ERICH5: variants seen among roughly 807,000 people sequenced by gnomAD.
ERICH5 encodes glutamate-rich protein 5.
A neutral mutation model predicts 28.0 loss-of-function variants in ERICH5; 24 were observed. The ratio of observed to expected loss-of-function variants is 0.86; its 90% CI spans 0.62 to 1.21. The LOEUF is 1.21. ERICH5 is among the 50% of genes most tolerant of loss of function. The pLI is 0.00. For missense variants in ERICH5, 421 were observed against 441.2 expected (o/e 0.95, Z 0.41); for synonymous variants, 163 against 157.6 (o/e 1.03, Z -0.25).
rs765389360 is a variant in ERICH5 at position 98,089,952 on chromosome 8, C to T, written c.935C>T (p.Ala312Val). 13 of 1,614,046 alleles carry T rather than the reference C, an allele frequency of 8.1e-6. No homozygotes were observed. In the East Asian group the frequency reaches 1.6e-4, roughly 19 times the overall value. The change falls in exon 2 of 3, where the codon GCA becomes GTA. Residue 312 changes from alanine (A) to valine (V), a missense_variant. Coordinates refer to ENST00000318528, the MANE Select transcript of ERICH5 (RefSeq NM_173549.3). Reference protein sequence around the residue: ...EGIVGSMEHPARNVEAGAYVE... With the variant: ...EGIVGSMEHPVRNVEAGAYVE... ...ATAGTTGGAAGCATGGAGCATCCAG[C>T]ACGAAATGTAGAGGCAGGAGCATAT...
At chr8:98,078,143 A>G (rs1815093147) in intron 1 of ERICH5, among the ~76,000 whole-genome samples, 1 of 152,216 alleles carries the variant, frequency 6.6e-6, no homozygotes, top group African/African-American at 2.4e-5. Context: ...CACACTTGGG[A>G]ATTAGCATTT....
chr8:98,091,675 T>G (rs187199880), intron 2 of ERICH5, among the ~76,000 whole-genome samples: 2 of 152,230 alleles, frequency 1.3e-5, no homozygotes, highest in Non-Finnish European at 2.9e-5. Context: ...CAGGGTTTCC[T>G]GCAAGTGTGT....
chr8:98,075,669 C>T (rs187496294), intron 1 of ERICH5, among the ~76,000 whole-genome samples: 5 of 152,146 alleles, frequency 3.3e-5, no homozygotes, highest in African/African-American at 1.2e-4. Context: ...GCACAGAGCC[C>T]CCACGCTTGA....
At chr8:98,081,923 C>T (rs948185977) in intron 1 of ERICH5, among the ~76,000 whole-genome samples, 5 of 147,814 alleles carry the variant, frequency 3.4e-5, no homozygotes, top group Non-Finnish European at 6.0e-5. Context: ...AATGAAACTT[C>T]GTCTAAAAAA....
intron 1 of ERICH5, among the ~76,000 whole-genome samples, chr8:98,080,193 G>A (rs1815151643): frequency 6.6e-6 from 1 of 152,152 alleles, no homozygotes. Context: ...ATACCATGCT[G>A]GGCAAATTAC....
At chr8:98,080,522 T>C (rs1402426085) in intron 1 of ERICH5, among the ~76,000 whole-genome samples, 4 of 152,244 alleles carry the variant, frequency 2.6e-5, no homozygotes, top group African/African-American at 9.6e-5. Flanking sequence ...TATTGTGTTC[T>C]CTGAGAGATG....
At chr8:98,068,900 C>G (rs983606113) in intron 1 of ERICH5, among the ~76,000 whole-genome samples, 6 of 152,298 alleles carry the variant, frequency 3.9e-5, no homozygotes, top group South Asian at 2.1e-4. Flanking sequence ...TGCTTGCTGT[C>G]CATGCGGCCT....
chr8:98,093,388 G>A lies in ERICH5; in HGVS notation c.*55G>A. ...TCATAGAGGAGACAAAAATGGTAGTGAAGCTTGTGGTTATGTATCTTATCT... is the reference window on the plus strand; with the variant it reads ...TCATAGAGGAGACAAAAATGGTAGTAAAGCTTGTGGTTATGTATCTTATCT... On this transcript the variant is annotated 3_prime_UTR_variant, in exon 3 of 3. Transcript: ENST00000318528. 2 of 1,198,616 alleles carry A rather than the reference G, an allele frequency of 1.7e-6. No individual in the cohort carries two copies. The highest frequency in any genetic ancestry group is 2.4e-6 in the Non-Finnish European group (2 of 820,070). The allele number at this position is 1,198,616 out of a possible 1,614,324, so 74.2% of individuals were successfully genotyped here. A position where few individuals can be genotyped will look rare whatever the true frequency, so the allele number is the denominator to read the frequency against.
At chr8:98,093,121 C>CTGAA in intron 2 of ERICH5, 100 bp from the exon 3 acceptor site, 1 of 755,300 alleles carries the variant, frequency 1.3e-6, no homozygotes, top group African/African-American at 1.8e-5. Flanking sequence ...CTGCTTAGAC[C>CTGAA]TGAAGATCAA....
chr8:98,077,874 C>T (rs1815087915), intron 1 of ERICH5, among the ~76,000 whole-genome samples: 1 of 152,136 alleles, frequency 6.6e-6, no homozygotes, highest in African/African-American at 2.4e-5. Flanking sequence ...CTAGCCTATT[C>T]TTGTTTCTCT....
intron 1 of ERICH5, among the ~76,000 whole-genome samples, chr8:98,079,330 C>A (rs986774873): frequency 6.6e-6 from 1 of 151,674 alleles, no homozygotes; most frequent in South Asian, 2.1e-4. Flanking sequence ...GCCACCATGC[C>A]CAGCTAATCC....
At chr8:98,085,003 T>C (rs1382429019) in intron 1 of ERICH5, among the ~76,000 whole-genome samples, 1 of 152,086 alleles carries the variant, frequency 6.6e-6, no homozygotes, top group East Asian at 1.9e-4. Context: ...AATGGAATTA[T>C]ATGCTATGTA....
chr8:98,070,660 C>CAAAAAAAAAAAAAA (rs769042472), intron 1 of ERICH5, among the ~76,000 whole-genome samples: 17 of 38,742 alleles, frequency 4.4e-4, no homozygotes, highest in South Asian at 9.7e-4. Context: ...AACTGCATCT[C>CAAAAAAAAAAAAAA]AAAAAAAAAA....
chr8:98,076,619 C>T (rs557193625), intron 1 of ERICH5, among the ~76,000 whole-genome samples: 12 of 152,216 alleles, frequency 7.9e-5, no homozygotes, highest in East Asian at 3.9e-4. Flanking sequence ...TAGGCAGCAA[C>T]GCCTGTGGAG....
At chr8:98,085,844 A>G (rs758896133) in intron 1 of ERICH5, among the ~76,000 whole-genome samples, 13 of 151,666 alleles carry the variant, frequency 8.6e-5, no homozygotes, top group Non-Finnish European at 1.3e-4. Context: ...AGCACACTCA[A>G]CTCATGTGTG....
chr8:98,079,632 T>C (rs936254313), intron 1 of ERICH5, among the ~76,000 whole-genome samples: 13 of 152,188 alleles, frequency 8.5e-5, no homozygotes, highest in Non-Finnish European at 1.5e-4. Flanking sequence ...CTCCGCCTCC[T>C]GGGTTCAAGT....
At chr8:98,080,695 C>T (rs1291904119) in intron 1 of ERICH5, among the ~76,000 whole-genome samples, 1 of 144,004 alleles carries the variant, frequency 6.9e-6, no homozygotes, top group Admixed American at 7.1e-5. Flanking sequence ...TCTTCTCCCC[C>T]TCCCGTCCCC....
chr8:98,077,758 TGAG>T (rs1186429213), intron 1 of ERICH5, among the ~76,000 whole-genome samples: 1 of 152,134 alleles, frequency 6.6e-6, no homozygotes, highest in East Asian at 1.9e-4. Context: ...TCTGTAGAGA[TGAG>T]GTCTCACTAT....
At chr8:98,083,893 A>C (rs986279477) in intron 1 of ERICH5, among the ~76,000 whole-genome samples, 1 of 151,776 alleles carries the variant, frequency 6.6e-6, no homozygotes, top group African/African-American at 2.4e-5. Context: ...TCGAACACAT[A>C]TTTTTAGAGA....
Sources: gnomAD v4.1 joint callset for allele counts (sites outside exome capture counted in the v4.1 genomes callset) on GRCh38, gnomAD v4.1.1 for gene constraint, MANE v1.5 for transcripts, NCBI Gene and HGNC (gene_info 2026-07-23, HGNC 2026-07-21) for gene names.